The following ZNF626 variants were observed in gnomAD, a reference collection of about 807,000 sequenced individuals.
ZNF626 encodes zinc finger protein 626, also known as CTC-513N18.7.
In ZNF626, 4 loss-of-function variants were observed where a neutral mutation model predicts 11.7. The observed-to-expected ratio is 0.34, with a 90% CI of 0.17 to 0.78. The LOEUF (loss-of-function observed/expected upper bound fraction) is 0.78. Ranked by LOEUF, ZNF626 falls within the 30% of genes least tolerant of loss-of-function variation. The pLI, the probability that ZNF626 is intolerant of heterozygous loss-of-function variation, is 0.57. For synonymous variants in ZNF626, 179 were observed against 198.6 expected (o/e 0.90, Z 0.83); for missense variants, 588 against 587.1 (o/e 1.00, Z -0.01).
intron 1 of ZNF626, among the ~76,000 whole-genome samples, chr19:20,654,566 G>A (rs185689259): frequency 0.011 from 1,690 of 151,570 alleles, 50 homozygotes; most frequent in South Asian, 0.068. Context: ...AAAATTAGCT[G>A]GGCGTGGTGG....
At chr19:20,657,787 A>G (rs1555773274) in intron 1 of ZNF626, among the ~76,000 whole-genome samples, 2 of 149,280 alleles carry the variant, frequency 1.3e-5, no homozygotes, top group Admixed American at 1.3e-4. Flanking sequence ...CCTGGGCAAC[A>G]AGAACAAAAA....
In ZNF626 at chr19:20,661,529, T is replaced by G; in HGVS notation, c.-83A>C. 1 of 1,322,730 alleles carries G rather than the reference T, an allele frequency of 7.6e-7. No homozygotes were observed. Among genetic ancestry groups the G allele is most frequent in the Admixed American group, 2.2e-5 (1 of 46,432 alleles). 81.9% of individuals were successfully genotyped at this position (1,322,730 alleles called of 1,614,324 possible). A position where few individuals can be genotyped will look rare whatever the true frequency, so the allele number is the denominator to read the frequency against. On this transcript the variant is annotated 5_prime_UTR_variant, in exon 1 of 4. Transcript: ENST00000601440. ...CACGGGGCCACACAGCCTGGGCCTT[T>G]AGGAGAAGAACCAGACCTGGAGCTC... is the stretch of plus-strand genomic sequence containing the variant.
In ZNF626 at chr19:20,623,682, C is replaced by T. The variant is rs1364333690; in HGVS notation, c.*608G>A. The T allele has an allele frequency of 5.2e-6, 1 of 191,550 alleles. No individual in the cohort carries two copies. Among genetic ancestry groups the T allele is most frequent in the African/African-American group, 2.4e-5 (1 of 41,622 alleles). The allele number at this position is 191,550 out of a possible 1,614,324, so 11.9% of individuals were successfully genotyped here. On this transcript the variant is annotated 3_prime_UTR_variant, in exon 4 of 4. Transcript: ENST00000601440. Reference sequence around the variant, plus strand: ...GGCATGGGGGTGGGCACCTGTAATCCCCCTTACTTGGGAGGTTGAGGCAGG... The same window carrying T: ...GGCATGGGGGTGGGCACCTGTAATCTCCCTTACTTGGGAGGTTGAGGCAGG...
chr19:20,655,636 A>G (rs1457448488), intron 1 of ZNF626, among the ~76,000 whole-genome samples: 2 of 152,138 alleles, frequency 1.3e-5, no homozygotes, highest in Admixed American at 1.3e-4. Flanking sequence ...AAAAGAGGGA[A>G]TAGCGGCCAG....
rs112700497 is a variant in ZNF626 at position 20,624,247 on chromosome 19, T to G, written c.*43A>C. ...AAGGTTAGAGAAATGCTTAAAAGCT[T>G]TGTCACATTCTTCACATTTGTAGAA... On this transcript the variant is annotated 3_prime_UTR_variant, in exon 4 of 4. Coordinates refer to ENST00000601440, the MANE Select transcript of ZNF626 (RefSeq NM_001076675.3). The G allele has an allele frequency of 0.071, 115,235 of 1,613,136 alleles. 4,473 individuals are homozygous for G. The highest frequency in any genetic ancestry group is 0.12 in the South Asian group (11,223 of 91,060).
chr19:20,636,403 A>G (rs1969965948), intron 3 of ZNF626, among the ~76,000 whole-genome samples: 1 of 151,984 alleles, frequency 6.6e-6, no homozygotes, highest in Non-Finnish European at 1.5e-5. Context: ...TCAACACATA[A>G]TTAAATGATG....
In ZNF626 at chr19:20,625,655, A is replaced by T; in HGVS notation, c.227-5T>A. On this transcript the variant is annotated splice_region_variant and splice_polypyrimidine_tract_variant and intron_variant, in intron 3 of 3. Transcript: ENST00000601440. Reference sequence around the variant, plus strand: ...GGGCAAAATGAGAACACATTACTGAAAGAAACAATAAAAACACATTACTTC... The same window carrying T: ...GGGCAAAATGAGAACACATTACTGATAGAAACAATAAAAACACATTACTTC... 6.6e-7 allele frequency: 1 copy of T among 1,523,432 alleles called. No individual in the cohort carries two copies. Among genetic ancestry groups the T allele is most frequent in the South Asian group, 1.4e-5 (1 of 73,264 alleles). The allele number at this position is 1,523,432 out of a possible 1,614,324, so 94.4% of individuals were successfully genotyped here.
In ZNF626 at chr19:20,648,578, T is replaced by C. The variant is rs549436137; in HGVS notation, c.4-2173A>G. 1.1e-3 allele frequency among the ~76,000 whole-genome samples: 175 copies of C among 152,250 alleles called. 1 individual carries two copies. The highest frequency in any genetic ancestry group is 8.3e-4 in the South Asian group (4 of 4,816). On this transcript the variant is annotated intron_variant, in intron 1 of 3. Transcript: ENST00000601440. ...TTTTAGTAGAGACAGAGTTTCACCA[T>C]GTTGACCAGGATGGTCTTGATCTCC...
intron 1 of ZNF626, among the ~76,000 whole-genome samples, chr19:20,651,923 A>G (rs1555772619): frequency 6.6e-6 from 1 of 152,098 alleles, no homozygotes; most frequent in South Asian, 2.1e-4. Context: ...CACTCTTAAG[A>G]TGCTTTTTTT....
intron 1 of ZNF626, among the ~76,000 whole-genome samples, chr19:20,655,082 A>T (rs1970190211): frequency 1.3e-5 from 2 of 150,634 alleles, no homozygotes; most frequent in Admixed American, 1.3e-4. Flanking sequence ...ACTGCACTCC[A>T]GCCTCGGCAA....
At chr19:20,645,258 A>C in intron 3 of ZNF626, 3 of 1,427,458 alleles carry the variant, frequency 2.1e-6, no homozygotes, top group Non-Finnish European at 2.7e-6. Context: ...ACAAAAAAAA[A>C]TTCAACAGAA....
At chr19:20,652,198 T>C (rs1164096954) in intron 1 of ZNF626, among the ~76,000 whole-genome samples, 1 of 151,988 alleles carries the variant, frequency 6.6e-6, no homozygotes, top group African/African-American at 2.4e-5. Flanking sequence ...AGGATCCACC[T>C]GGCTCTGCAT....
chr19:20,641,409 G>A (rs1392524361), intron 3 of ZNF626, among the ~76,000 whole-genome samples: 1 of 152,052 alleles, frequency 6.6e-6, no homozygotes, highest in Non-Finnish European at 1.5e-5. Context: ...CCACTTATAT[G>A]AGATACCTTA....
rs1969772880 is a variant in ZNF626, at chr19:20,622,843, T to G, written c.*1447A>C. The G allele has an allele frequency of 6.6e-6, 1 of 152,190 alleles. No individual in the cohort carries two copies. The highest frequency in any genetic ancestry group is 6.5e-5 in the Admixed American group (1 of 15,282). 9.4% of individuals were successfully genotyped at this position (152,190 alleles called of 1,614,324 possible). On this transcript the variant is annotated 3_prime_UTR_variant, in exon 4 of 4. Coordinates refer to ENST00000601440, the MANE Select transcript of ZNF626 (RefSeq NM_001076675.3). ...ATTTTGAATTAAATATTTTTTCATG[T>G]TTACTGCATCTGCAAAAATATATTT...
In ZNF626 at chr19:20,660,666, C is replaced by T. The variant is rs142218613; in HGVS notation, c.3+778G>A. On this transcript the variant is annotated intron_variant, in intron 1 of 3. Coordinates refer to ENST00000601440, the MANE Select transcript of ZNF626 (RefSeq NM_001076675.3). The stretch of plus-strand genomic sequence containing the variant: ...CTAGAACTCCTGACCACGTGATCCA[C>T]CTGCCTCGGCCTCCGAAGTGCTGGG... Among the ~76,000 whole-genome samples the T allele has an allele frequency of 2.8e-3, 421 of 152,246 alleles. 3 individuals are homozygous for T. Among genetic ancestry groups the T allele is most frequent in the African/African-American group, 9.4e-3 (390 of 41,546 alleles).
chr19:20,650,363 G>GTTTACAATAATT (rs1555772469), intron 1 of ZNF626, among the ~76,000 whole-genome samples: 5 of 152,204 alleles, frequency 3.3e-5, no homozygotes, highest in African/African-American at 1.2e-4. Context: ...ACATTTTTGT[G>GTTTACAATAATT]ACTTGTGGAG....
intron 3 of ZNF626, among the ~76,000 whole-genome samples, chr19:20,634,398 T>A (rs1326743940): frequency 1.3e-5 from 2 of 152,218 alleles, no homozygotes; most frequent in Admixed American, 6.5e-5. Flanking sequence ...ATAGACCACC[T>A]GTTAGGCCAA....
In ZNF626 at chr19:20,648,493, C is replaced by A. The variant is rs187589195; in HGVS notation, c.4-2088G>T. ...CCAGGTTCACGCCATTCTCCTGCAT[C>A]AGCCTACCAAGTAGCTGGGACTACA... On this transcript the variant is annotated intron_variant, in intron 1 of 3. Transcript: ENST00000601440. Among the ~76,000 whole-genome samples, 1,264 of 152,008 alleles carry A rather than the reference C, an allele frequency of 8.3e-3. 14 individuals carry two copies. The highest frequency in any genetic ancestry group is 0.029 in the African/African-American group (1,202 of 41,466).
At chr19:20,628,029 G>GT (rs782535806) in intron 3 of ZNF626, among the ~76,000 whole-genome samples, 1 of 152,240 alleles carries the variant, frequency 6.6e-6, no homozygotes, top group African/African-American at 2.4e-5. Flanking sequence ...AACATGCGGT[G>GT]TTTGGTTTTT....
Sources: gnomAD v4.1 joint callset for allele counts (sites outside exome capture counted in the v4.1 genomes callset) on GRCh38, gnomAD v4.1.1 for gene constraint, MANE v1.5 for transcripts, NCBI Gene and HGNC (gene_info 2026-07-23, HGNC 2026-07-21) for gene names.